Variants in GSE1 observed in about 807,000 individuals in gnomAD.
GSE1 encodes Gse1 coiled-coil protein.
Under a neutral mutation model 112.6 loss-of-function variants are expected in GSE1, and 32 were observed. The observed-to-expected ratio is 0.28, with a 90% CI of 0.21 to 0.38. The LOEUF is 0.38. Ranked by LOEUF, GSE1 falls within the 10% of genes least tolerant of loss-of-function variation. GSE1 has a pLI of 1.00. For missense variants in GSE1, 2,348 were observed against 1,699.2 expected (o/e 1.38, Z -6.71); for synonymous variants, 1,115 against 735.6 (o/e 1.52, Z -8.35).
intron 8 of GSE1, 25 bp downstream of exon 8, chr16:85,657,629 A>T: frequency 6.9e-7 from 1 of 1,457,838 alleles, no homozygotes; most frequent in Non-Finnish European, 9.1e-7. Flanking sequence ...GGAAGGAAGG[A>T]GGGATGAGCC....
At chr16:85,499,547 C>A (rs2051295510) in intron 2 of GSE1, among the ~76,000 whole-genome samples, 1 of 151,952 alleles carries the variant, frequency 6.6e-6, no homozygotes, top group Non-Finnish European at 1.5e-5. Context: ...GCCTTGTGAT[C>A]CGCCCGCCTC....
chr16:85,240,046 A>G (rs1383764362), intron 1 of GSE1, among the ~76,000 whole-genome samples: 2 of 152,242 alleles, frequency 1.3e-5, no homozygotes, highest in African/African-American at 4.8e-5. Flanking sequence ...GTGAGCCTGC[A>G]GCCCTGTGGC....
At chr16:85,572,502 CCACACACACCA>C (rs1459183337) in intron 1 of GSE1, among the ~76,000 whole-genome samples, 2 of 151,090 alleles carry the variant, frequency 1.3e-5, no homozygotes, top group East Asian at 3.9e-4. Flanking sequence ...CAACCACATA[CCACACACACCA>C]CACACACACC....
Position 85,315,574 on chromosome 16 carries a change from G to A in GSE1, c.2284-41889G>A, listed in dbSNP as rs1269008607. Among the ~76,000 whole-genome samples, 5 of 152,116 alleles carry A rather than the reference G, an allele frequency of 3.3e-5. No homozygotes were observed. In the East Asian group the frequency reaches 9.7e-4, roughly 29 times the overall value. ...TTCCGTGGGACAGTGATGGGGACAA[G>A]AGTAACCAAAACCCAACCCCTGTGT... On this transcript the variant is annotated intron_variant, in intron 1 of 2. Coordinates refer to the GSE1 transcript ENST00000637419.
chr16:85,552,689 G>A (rs1041510054), upstream of GSE1, among the ~76,000 whole-genome samples: 8 of 152,224 alleles, frequency 5.3e-5, no homozygotes, highest in Non-Finnish European at 1.2e-4. Context: ...AGGCTGATGG[G>A]AGCTCCAGAC....
At chr16:85,446,414 G>A (rs1274806490) in intron 2 of GSE1, among the ~76,000 whole-genome samples, 4 of 152,210 alleles carry the variant, frequency 2.6e-5, no homozygotes, top group Non-Finnish European at 5.9e-5. Flanking sequence ...ACGATCTGCT[G>A]TAAGCTCTTG....
intron 2 of GSE1, among the ~76,000 whole-genome samples, chr16:85,409,341 C>T (rs1458334997): frequency 3.0e-4 from 12 of 39,910 alleles, no homozygotes; most frequent in Non-Finnish European, 4.4e-4. Context: ...ACACTCAGGG[C>T]CCCCCTGGAT....
intron 2 of GSE1, among the ~76,000 whole-genome samples, chr16:85,543,388 G>A (rs2044591532): frequency 1.3e-5 from 2 of 152,310 alleles, no homozygotes; most frequent in South Asian, 4.1e-4. Flanking sequence ...TCTTTTCAGA[G>A]CAGGTTTTGT....
Position 85,656,028 on chromosome 16 carries a change from C to CA in GSE1, c.989+112dup, listed in dbSNP as rs1491362392. 48 of 838,306 alleles carry CA rather than the reference C, an allele frequency of 5.7e-5. No individual in the cohort carries two copies. The African/African-American group carries it at 7.5e-4, about 13-fold the overall frequency. The allele number at this position is 838,306 out of a possible 1,614,324, so 51.9% of individuals were successfully genotyped here. ...TGGACTCCTTGGCCATGCCTGTCCT[C>CA]ACAGTTTGTCCACCTGCCAAATGGG... On this transcript the variant is annotated intron_variant, in intron 6 of 15. Coordinates refer to ENST00000253458, the MANE Select transcript of GSE1 (RefSeq NM_014615.5).
At chr16:85,281,860 G>A (rs1168182663) in intron 1 of GSE1, among the ~76,000 whole-genome samples, 1 of 152,066 alleles carries the variant, frequency 6.6e-6, no homozygotes, top group African/African-American at 2.4e-5. Context: ...ATAGATTCAC[G>A]TTATCTGAGC....
chr16:85,267,577 C>G (rs1019638842), intron 1 of GSE1, among the ~76,000 whole-genome samples: 2 of 152,172 alleles, frequency 1.3e-5, no homozygotes, highest in African/African-American at 2.4e-5. Context: ...GCTGCTCTCC[C>G]CCAGCACCTG....
At chr16:85,628,449 G>T (rs2049261444) in intron 1 of GSE1, among the ~76,000 whole-genome samples, 2 of 152,288 alleles carry the variant, frequency 1.3e-5, no homozygotes, top group Non-Finnish European at 2.9e-5. Flanking sequence ...GGGTAGGGAG[G>T]TTGCTGTCAG....
At chr16:85,333,348 A>G (rs2046416051) in intron 1 of GSE1, among the ~76,000 whole-genome samples, 1 of 152,158 alleles carries the variant, frequency 6.6e-6, no homozygotes, top group Non-Finnish European at 1.5e-5. Context: ...CAGCAGCCCC[A>G]GAGGCCAGTA....
chr16:85,573,006 A>C (rs2046072408), intron 1 of GSE1, among the ~76,000 whole-genome samples: 1 of 152,062 alleles, frequency 6.6e-6, no homozygotes, highest in Non-Finnish European at 1.5e-5. Flanking sequence ...AGTAGCTGGG[A>C]TTAGAGGCGC....
At chr16:85,573,647 C>A (rs1000023613) in intron 1 of GSE1, among the ~76,000 whole-genome samples, 12 of 152,182 alleles carry the variant, frequency 7.9e-5, no homozygotes, top group African/African-American at 2.9e-4. Flanking sequence ...CTTGAAGGAG[C>A]TGAATGATGT....
chr16:85,425,088 G>T (rs9923701), intron 2 of GSE1, among the ~76,000 whole-genome samples: 6 of 151,848 alleles, frequency 4.0e-5, no homozygotes, highest in Non-Finnish European at 8.8e-5. Context: ...CCAGGACTCC[G>T]GTCGGCCCTC....
intron 1 of GSE1, chr16:85,594,399 T>C (rs1598314914): frequency 6.6e-6 from 1 of 152,190 alleles, no homozygotes; most frequent in Admixed American, 6.5e-5. Flanking sequence ...TGTGGCTCCC[T>C]GGCTGGACGG....
At chr16:85,187,483 C>T (rs1443983954) in intron 1 of GSE1, among the ~76,000 whole-genome samples, 3 of 152,246 alleles carry the variant, frequency 2.0e-5, no homozygotes, top group African/African-American at 7.2e-5. Flanking sequence ...CGTGACGAAG[C>T]CCATTCTTGC....
chr16:85,430,337 C>G (rs751909456), intron 2 of GSE1, among the ~76,000 whole-genome samples: 22 of 152,252 alleles, frequency 1.4e-4, no homozygotes, highest in Non-Finnish European at 2.2e-4. Context: ...GGCCGGACAC[C>G]CAGACAGCCT....
Sources: allele counts gnomAD v4.1 joint callset (sites outside exome capture counted in the v4.1 genomes callset), GRCh38; gene constraint gnomAD v4.1.1; transcripts MANE v1.5; gene names NCBI Gene and HGNC (gene_info 2026-07-23, HGNC 2026-07-21).